ENAH: variants seen among roughly 807,000 people sequenced by gnomAD.
The protein encoded by ENAH is ENAH actin regulator.
ENAH carries 23 observed loss-of-function variants against 78.7 expected under a neutral mutation model. The observed-to-expected ratio is 0.29, with a 90% CI of 0.21 to 0.41. ENAH has a LOEUF of 0.41. ENAH is among the 10% of genes least tolerant of loss of function. ENAH has a pLI of 1.00. For synonymous variants in ENAH, 226 were observed against 241.0 expected (o/e 0.94, Z 0.58); for missense variants, 544 against 691.0 (o/e 0.79, Z 2.39).
rs2096204046 is a variant in ENAH, at chr1:225,487,050, C to T, written c.*10725G>A. Reference sequence around the variant, plus strand: ...TGACTTCAGCAGGTCCACTGATCCACCACAGTGACAGGGCCAGGCCCCTTC... The same window carrying T: ...TGACTTCAGCAGGTCCACTGATCCATCACAGTGACAGGGCCAGGCCCCTTC... On this transcript the variant is annotated 3_prime_UTR_variant, in exon 14 of 14. Coordinates refer to ENST00000366843, the MANE Select transcript of ENAH (RefSeq NM_018212.6). 6.6e-6 allele frequency: 1 copy of T among 152,656 alleles called. No homozygotes were observed. Among genetic ancestry groups the T allele is most frequent in the Non-Finnish European group, 1.5e-5 (1 of 68,044 alleles). 9.5% of individuals were successfully genotyped at this position (152,656 alleles called of 1,614,324 possible).
At chr1:225,518,157 A>C (rs2096436547) in intron 5 of ENAH, among the ~76,000 whole-genome samples, 1 of 152,246 alleles carries the variant, frequency 6.6e-6, no homozygotes, top group African/African-American at 2.4e-5. Context: ...TCACCCAAGA[A>C]TATTTTAACT....
chr1:225,562,571 CAAAAAAAAAAAAAAAAAAA>C (rs869309795), intron 2 of ENAH, among the ~76,000 whole-genome samples: 4 of 38,076 alleles, frequency 1.1e-4, no homozygotes, highest in Admixed American at 5.5e-4. Flanking sequence ...GACTGCGTCT[CAAAAAAAAAAAAAAAAAAA>C]AAAAAAAAAA....
At chr1:225,580,772 G>T (rs2096812406) in intron 1 of ENAH, among the ~76,000 whole-genome samples, 2 of 151,818 alleles carry the variant, frequency 1.3e-5, no homozygotes, top group South Asian at 4.2e-4. Flanking sequence ...ACAAAAATTA[G>T]CCAGCCATGG....
chr1:225,561,127 G>A (rs904771462), intron 2 of ENAH, among the ~76,000 whole-genome samples: 3 of 151,972 alleles, frequency 2.0e-5, no homozygotes, highest in Admixed American at 1.3e-4. Flanking sequence ...CCTGCTACTC[G>A]GGAGGCTGAG....
chr1:225,562,586 AAAAAAAAAAAAAAAAAC>A lies in ENAH; in HGVS notation c.171+4646_171+4662del, dbSNP rs1186669432. ...GACTGCGTCTCAAAAAAAAAAAAAAAAAAAAAAAAAAAAAAACACACCCAAGCATAGTACCCATAAGC... is the reference window on the plus strand; with the variant it reads ...GACTGCGTCTCAAAAAAAAAAAAAAAACACCCAAGCATAGTACCCATAAGC... On this transcript the variant is annotated intron_variant, in intron 2 of 13. Transcript: ENST00000366843. 3.4e-3 allele frequency among the ~76,000 whole-genome samples: 512 copies of A among 149,432 alleles called. 7 individuals carry two copies. Among genetic ancestry groups the A allele is most frequent in the African/African-American group, 0.012 (488 of 40,804 alleles).
At chr1:225,614,311 G>C (rs966305212) in intron 1 of ENAH, among the ~76,000 whole-genome samples, 6 of 152,076 alleles carry the variant, frequency 3.9e-5, no homozygotes, top group Non-Finnish European at 8.8e-5. Context: ...CACCCACCTC[G>C]GCCTCCCAAA....
At chr1:225,651,964 T>C (rs1042107046) in intron 1 of ENAH, among the ~76,000 whole-genome samples, 19 of 152,314 alleles carry the variant, frequency 1.2e-4, no homozygotes, top group East Asian at 1.2e-3. Context: ...TCCTGTTTTA[T>C]TGAGTACAGA....
At chr1:225,605,520 C>A (rs920472282) in intron 1 of ENAH, among the ~76,000 whole-genome samples, 4 of 152,098 alleles carry the variant, frequency 2.6e-5, no homozygotes, top group African/African-American at 9.7e-5. Context: ...CTACAATGTC[C>A]GAGTTATTTC....
chr1:225,517,632 A>G (rs770032758), intron 5 of ENAH: 4 of 1,550,740 alleles, frequency 2.6e-6, no homozygotes, highest in East Asian at 2.4e-5. Flanking sequence ...GGAGGGGCGA[A>G]AAATTGGAAG....
rs1007154432 is a variant in ENAH, at chr1:225,488,660, A to G, written c.*9115T>C. 4 of 152,272 alleles carry G rather than the reference A, an allele frequency of 2.6e-5. No individual in the cohort carries two copies. The highest frequency in any genetic ancestry group is 4.4e-5 in the Non-Finnish European group (3 of 68,038). The allele number at this position is 152,272 out of a possible 1,614,324, so 9.4% of individuals were successfully genotyped here. ...AGAAACACTTCATGTTCTCCAAAAA[A>G]GAAAAGCACCTAACGAAAAGCATGT... On this transcript the variant is annotated 3_prime_UTR_variant, in exon 14 of 14. Transcript: ENST00000366843.
intron 4 of ENAH, among the ~76,000 whole-genome samples, chr1:225,520,789 G>A (rs937051125): frequency 6.6e-6 from 1 of 152,108 alleles, no homozygotes; most frequent in Non-Finnish European, 1.5e-5. Context: ...CTAGGAGTCT[G>A]AGGCTACAGT....
chr1:225,488,688 T>C lies in ENAH; in HGVS notation c.*9087A>G, dbSNP rs1221613165. 1 of 152,246 alleles carries C rather than the reference T, an allele frequency of 6.6e-6. No homozygotes were observed. The highest frequency in any genetic ancestry group is 2.4e-5 in the African/African-American group (1 of 41,478). 9.4% of individuals were successfully genotyped at this position (152,246 alleles called of 1,614,324 possible). On this transcript the variant is annotated 3_prime_UTR_variant, in exon 14 of 14. Coordinates refer to ENST00000366843, the MANE Select transcript of ENAH (RefSeq NM_018212.6). ...AAAGCACCTAACGAAAAGCATGTCCTATTCATGCTAGCAAGAAATGAATCC... is the reference window on the plus strand; with the variant it reads ...AAAGCACCTAACGAAAAGCATGTCCCATTCATGCTAGCAAGAAATGAATCC...
chr1:225,533,779 G>A (rs894323522), intron 3 of ENAH, among the ~76,000 whole-genome samples: 5 of 152,022 alleles, frequency 3.3e-5, no homozygotes, highest in Admixed American at 2.6e-4. Context: ...TTGAGTTTTG[G>A]TTAAAGCACA....
intron 1 of ENAH, among the ~76,000 whole-genome samples, chr1:225,606,559 A>G (rs1207650889): frequency 6.6e-6 from 1 of 152,050 alleles, no homozygotes; most frequent in East Asian, 1.9e-4. Context: ...AAAATAAGTC[A>G]ACTTTTGGCC....
chr1:225,649,561 G>A (rs1186504489), intron 1 of ENAH, among the ~76,000 whole-genome samples: 2 of 152,018 alleles, frequency 1.3e-5, no homozygotes, highest in Non-Finnish European at 2.9e-5. Context: ...TGAAAAATAA[G>A]AATAGAACTA....
At chr1:225,588,897 G>C (rs888603945) in intron 1 of ENAH, among the ~76,000 whole-genome samples, 22 of 151,650 alleles carry the variant, frequency 1.5e-4, no homozygotes, top group Non-Finnish European at 2.9e-4. Context: ...TCAATGTTAG[G>C]TATTGCTCAA....
At position 225,555,096 on chromosome 1, in the gene ENAH, A is replaced by T. The variant is rs1575509992; in HGVS notation, c.172-13T>A. On this transcript the variant is annotated splice_polypyrimidine_tract_variant and intron_variant, in intron 2 of 13. Coordinates refer to ENST00000366843, the MANE Select transcript of ENAH (RefSeq NM_018212.6). Reference sequence around the variant, plus strand: ...AGTTTATCACGACCTAAAAAATAATAATTCTTTATAAAGTCAAACCAATAA... The same window carrying T: ...AGTTTATCACGACCTAAAAAATAATTATTCTTTATAAAGTCAAACCAATAA... The T allele has an allele frequency of 6.6e-7, 1 of 1,505,826 alleles. No homozygotes were observed. The allele number at this position is 1,505,826 out of a possible 1,614,324, so 93.3% of individuals were successfully genotyped here.
chr1:225,638,489 C>A (rs937365597), intron 1 of ENAH, among the ~76,000 whole-genome samples: 2 of 152,178 alleles, frequency 1.3e-5, no homozygotes, highest in African/African-American at 4.8e-5. Flanking sequence ...TCCTCCCCCA[C>A]TAAACTGTAA....
intron 2 of ENAH, among the ~76,000 whole-genome samples, chr1:225,563,163 T>C (rs1360164989): frequency 2.0e-5 from 3 of 152,116 alleles, no homozygotes; most frequent in Non-Finnish European, 4.4e-5. Flanking sequence ...TCACTGAAAA[T>C]CTTGTTAGTT....
Sources: allele counts gnomAD v4.1 joint callset (sites outside exome capture counted in the v4.1 genomes callset), GRCh38; gene constraint gnomAD v4.1.1; transcripts MANE v1.5; gene names NCBI Gene and HGNC (gene_info 2026-07-23, HGNC 2026-07-21).